The following LANCL1 variants were observed in gnomAD, a reference collection of about 807,000 sequenced individuals.
LANCL1 encodes the protein glutathione S-transferase LANCL1.
A neutral mutation model predicts 50.6 loss-of-function variants in LANCL1; 50 were observed. The observed-to-expected ratio is 0.99, with a 90% confidence interval of 0.79 to 1.25. The LOEUF (loss-of-function observed/expected upper bound fraction) is 1.25. Among genes scored for constraint, LANCL1 ranks in the 50% most tolerant of loss-of-function variants. The pLI, the probability that LANCL1 is intolerant of heterozygous loss-of-function variation, is 0.00. For synonymous variants in LANCL1, 188 were observed against 178.6 expected, an observed-to-expected ratio of 1.05 and a Z score of -0.42; for missense variants, 532 against 480.7, an observed-to-expected ratio of 1.11 and a Z score of -1.00.
intron 3 of LANCL1, among the ~76,000 whole-genome samples, chr2:210,467,312 A>C (rs768672030): frequency 6.6e-6 from 1 of 152,192 alleles, no homozygotes; most frequent in Non-Finnish European, 1.5e-5. Context: ...GTATTTTTGC[A>C]AAGTTACTGA....
chr2:210,438,550 A>G (rs536056428), intron 6 of LANCL1, among the ~76,000 whole-genome samples: 1 of 152,240 alleles, frequency 6.6e-6, no homozygotes, highest in Non-Finnish European at 1.5e-5. Flanking sequence ...TTCAATATAT[A>G]AAACAAGCTT....
In LANCL1 at chr2:210,455,188, C is replaced by T; in HGVS notation, c.326G>A (p.Gly109Glu). ...GGCCACTGCCAGGGGGCCTGCATCCCCACAAAGGAAGGTGATGGAGCGCTT... is the reference window on the plus strand; with the variant it reads ...GGCCACTGCCAGGGGGCCTGCATCCTCACAAAGGAAGGTGATGGAGCGCTT... Reference protein sequence around the residue: ...LTKRSITFLCGDAGPLAVAAV... With the variant: ...LTKRSITFLCEDAGPLAVAAV... The change falls in exon 4 of 10, where the codon GGG becomes GAG. Residue 109 changes from glycine to glutamate, a missense_variant. Gly to Glu is a moderately conservative substitution (Grantham distance 98, BLOSUM62 -2). Coordinates refer to ENST00000450366, the MANE Select transcript of LANCL1 (RefSeq NM_006055.3). 2 of 1,613,698 alleles carry T rather than the reference C, an allele frequency of 1.2e-6. No homozygotes were observed. The highest frequency in any genetic ancestry group is 1.7e-5 in the Admixed American group (1 of 59,950).
chr2:210,435,249 C>A, intron 9 of LANCL1, 138 bp downstream of exon 9: 2 of 645,996 alleles, frequency 3.1e-6, no homozygotes, highest in South Asian at 2.0e-5. Flanking sequence ...TTTTTAATAT[C>A]GATTTAGCAT....
intron 4 of LANCL1, among the ~76,000 whole-genome samples, chr2:210,444,085 A>T (rs1409295259): frequency 6.6e-6 from 1 of 152,196 alleles, no homozygotes; most frequent in Non-Finnish European, 1.5e-5. Context: ...CAGTTGGCAG[A>T]ATTGGGCACC....
intron 3 of LANCL1, among the ~76,000 whole-genome samples, chr2:210,457,175 A>C (rs983117652): frequency 6.6e-6 from 1 of 152,192 alleles, no homozygotes; most frequent in Non-Finnish European, 1.5e-5. Flanking sequence ...CCATGGTGGA[A>C]AAGGACTTTA....
intron 3 of LANCL1, among the ~76,000 whole-genome samples, chr2:210,464,704 C>T (rs1693984220): frequency 2.0e-5 from 3 of 147,104 alleles, no homozygotes; most frequent in South Asian, 4.2e-4. Flanking sequence ...CGGTGGCTCA[C>T]GCCTGTAATC....
In LANCL1 at chr2:210,455,190, A is replaced by G. The variant is rs2105908668; in HGVS notation, c.324T>C (p.Cys108=). 6.2e-7 allele frequency: 1 copy of G among 1,613,736 alleles called. No individual in the cohort carries two copies. Among genetic ancestry groups the G allele is most frequent in the Non-Finnish European group, 8.5e-7 (1 of 1,179,754 alleles). Residue 108 remains cysteine (C), a synonymous_variant, in exon 4 of 10, where the codon TGT becomes TGC. Coordinates refer to ENST00000450366, the MANE Select transcript of LANCL1 (RefSeq NM_006055.3). ...CLTKRSITFL[C]GDAGPLAVAA... The stretch of plus-strand genomic sequence containing the variant: ...CCACTGCCAGGGGGCCTGCATCCCC[A>G]CAAAGGAAGGTGATGGAGCGCTTGG...
intron 6 of LANCL1, among the ~76,000 whole-genome samples, chr2:210,439,028 T>C (rs1270240159): frequency 6.6e-6 from 1 of 152,128 alleles, no homozygotes; most frequent in Admixed American, 6.5e-5. Context: ...ATTCTGAAAG[T>C]GGACTGAGTT....
At chr2:210,455,444 G>T in intron 3 of LANCL1, 130 bp from the exon 4 acceptor site, 1 of 749,014 alleles carries the variant, frequency 1.3e-6, no homozygotes, top group African/African-American at 1.8e-5. Context: ...GGAAGTTTGG[G>T]TGACTTTAAT....
intron 4 of LANCL1, among the ~76,000 whole-genome samples, chr2:210,449,008 G>C (rs1693432400): frequency 6.7e-6 from 1 of 150,348 alleles, no homozygotes; most frequent in South Asian, 2.1e-4. Flanking sequence ...CATTTTATGA[G>C]GCATCATCCT....
intron 3 of LANCL1, among the ~76,000 whole-genome samples, chr2:210,466,325 C>T (rs182955872): frequency 6.6e-5 from 10 of 152,246 alleles, no homozygotes; most frequent in Non-Finnish European, 1.0e-4. Flanking sequence ...CTTTACGGAA[C>T]GGATTGTCAG....
intron 3 of LANCL1, chr2:210,471,632 C>T (rs1694226834): frequency 6.1e-6 from 3 of 494,226 alleles, no homozygotes; most frequent in African/African-American, 3.9e-5. Context: ...TGGAACTCTT[C>T]CCAATTCTTC....
intron 2 of LANCL1, among the ~76,000 whole-genome samples, chr2:210,475,353 G>T (rs1222205822): frequency 6.6e-6 from 1 of 151,642 alleles, no homozygotes; most frequent in African/African-American, 2.4e-5. Flanking sequence ...TTATTTTTTA[G>T]AGACAGGGTC....
intron 3 of LANCL1, among the ~76,000 whole-genome samples, chr2:210,461,244 C>A (rs928653952): frequency 6.6e-6 from 1 of 151,978 alleles, no homozygotes; most frequent in Non-Finnish European, 1.5e-5. Flanking sequence ...TTGTGAAGTG[C>A]TCTAATGAAT....
intron 4 of LANCL1, among the ~76,000 whole-genome samples, chr2:210,441,990 C>T (rs953347355): frequency 3.3e-5 from 5 of 152,012 alleles, no homozygotes; most frequent in East Asian, 3.9e-4. Flanking sequence ...CCGCAACCTC[C>T]GCCTCCCAGG....
intron 9 of LANCL1, 132 bp from the exon 10 acceptor site, chr2:210,434,695 A>C: frequency 1.5e-6 from 1 of 685,384 alleles, no homozygotes; most frequent in Non-Finnish European, 2.5e-6. Flanking sequence ...ACAAACATCA[A>C]CAAAGGGTGC....
At position 210,436,323 on chromosome 2, in the gene LANCL1, G is replaced by A; in HGVS notation, c.943C>T (p.Leu315=). 1 of 1,614,042 alleles carries A rather than the reference G, an allele frequency of 6.2e-7. No individual in the cohort carries two copies. The highest frequency in any genetic ancestry group is 8.5e-7 in the Non-Finnish European group (1 of 1,179,984). The change falls in exon 8 of 10, where the codon CTG becomes TTG. Residue 315 remains leucine (L), a synonymous_variant. Transcript: ENST00000450366. ...CADVIWQYGL[L]KKGYGLCHGS... Reference sequence around the variant, plus strand: ...TGGCACAGCCCATATCCCTTCTTCAGCAACCCATATTGCCAGATCACATCA... The same window carrying A: ...TGGCACAGCCCATATCCCTTCTTCAACAACCCATATTGCCAGATCACATCA...
rs772576491 is a variant in LANCL1, at chr2:210,471,975, A to T, written c.183T>A (p.Gly61=). 6.2e-7 allele frequency: 1 copy of T among 1,613,066 alleles called. No homozygotes were observed. The highest frequency in any genetic ancestry group is 1.3e-5 in the African/African-American group (1 of 75,038). Reference sequence around the variant, plus strand: ...ACTTCATACCTGCCCAGCCAGTGTAACCGGTGCCATCCCGAGGGTCTGCTG... The same window carrying T: ...ACTTCATACCTGCCCAGCCAGTGTATCCGGTGCCATCCCGAGGGTCTGCTG... ...LKSADPRDGT[G]YTGWAGIAVL... Residue 61 remains glycine, a synonymous_variant, in exon 3 of 10, where the codon GGT becomes GGA. Transcript: ENST00000450366.
intron 3 of LANCL1, among the ~76,000 whole-genome samples, chr2:210,462,956 T>A (rs1278566904): frequency 6.6e-6 from 1 of 152,158 alleles, no homozygotes; most frequent in East Asian, 1.9e-4. Flanking sequence ...CTACTCCATC[T>A]TATAGCTTAT....
Sources: gnomAD v4.1 joint callset for allele counts (sites outside exome capture counted in the v4.1 genomes callset) on GRCh38, gnomAD v4.1.1 for gene constraint, MANE v1.5 for transcripts, NCBI Gene and HGNC (gene_info 2026-07-23, HGNC 2026-07-21) for gene names.